CDKL2: variants seen among roughly 807,000 people sequenced by gnomAD.
The protein encoded by CDKL2 is cyclin dependent kinase like 2, also known as cyclin-dependent kinase-like 2.
Under a neutral mutation model 63.9 loss-of-function variants are expected in CDKL2, and 64 were observed. That is an observed-to-expected ratio of 1.00 (90% CI 0.82 to 1.23). The LOEUF (loss-of-function observed/expected upper bound fraction) is 1.23, where lower values mean the gene tolerates loss of function less well. CDKL2 is among the 50% of genes most tolerant of loss of function. CDKL2 has a pLI of 0.00. For synonymous variants in CDKL2, 211 were observed against 229.2 expected (o/e 0.92, Z 0.72); for missense variants, 656 against 668.0 (o/e 0.98, Z 0.20).
intron 2 of CDKL2, among the ~76,000 whole-genome samples, chr4:75,621,102 A>C (rs1363059939): frequency 6.6e-6 from 1 of 151,786 alleles, no homozygotes; most frequent in Non-Finnish European, 1.5e-5. Flanking sequence ...TGCCCAGCTA[A>C]TTTTTGTATT....
At chr4:75,590,585 T>C (rs1278652768) in intron 12 of CDKL2, among the ~76,000 whole-genome samples, 1 of 152,104 alleles carries the variant, frequency 6.6e-6, no homozygotes, top group Non-Finnish European at 1.5e-5. Flanking sequence ...TGTGGTGGCA[T>C]GCACCTGTAA....
At chr4:75,603,623 G>C (rs1394792191) in intron 6 of CDKL2, among the ~76,000 whole-genome samples, 194 bp downstream of exon 6, 1 of 148,512 alleles carries the variant, frequency 6.7e-6, no homozygotes, top group African/African-American at 2.5e-5. Flanking sequence ...CCAGCTACTA[G>C]AGAGGTTGAG....
In CDKL2 at chr4:75,601,385, T is replaced by C. The variant is rs116549161; in HGVS notation, c.796-1016A>G. Among the ~76,000 whole-genome samples the C allele has an allele frequency of 5.1e-3, 782 of 152,194 alleles. 9 individuals carry two copies. The highest frequency in any genetic ancestry group is 0.018 in the African/African-American group (735 of 41,526). ...TTCTGATTCATTAAAACCCCTAACA[T>C]GCCAGTAAAAATAGAAGGGACTCAA... is the stretch of plus-strand genomic sequence containing the variant. On this transcript the variant is annotated intron_variant, in intron 6 of 13. Transcript: ENST00000307465.
chr4:75,617,050 A>T (rs1375128109), intron 2 of CDKL2, among the ~76,000 whole-genome samples: 2 of 152,154 alleles, frequency 1.3e-5, no homozygotes, highest in Non-Finnish European at 2.9e-5. Context: ...ACAAAATCCA[A>T]TTCCATTATT....
chr4:75,619,477 G>C (rs1730064746), intron 2 of CDKL2, among the ~76,000 whole-genome samples: 1 of 147,444 alleles, frequency 6.8e-6, no homozygotes, highest in Non-Finnish European at 1.5e-5. Context: ...GCAGTTGGTA[G>C]AGAAACTCAC....
rs1729907225 is a variant in CDKL2 at position 75,615,938 on chromosome 4, T to C, written c.169-1489A>G. Reference sequence around the variant, plus strand: ...CCCACGAGTTGGAGGCTGCAATGAGTGTGGTGAGCCATGATCATGCCACTG... The same window carrying C: ...CCCACGAGTTGGAGGCTGCAATGAGCGTGGTGAGCCATGATCATGCCACTG... On this transcript the variant is annotated intron_variant, in intron 2 of 13. Transcript: ENST00000307465. Among the ~76,000 whole-genome samples, 2 of 152,210 alleles carry C rather than the reference T, an allele frequency of 1.3e-5. 1 individual carries two copies. Among genetic ancestry groups the C allele is most frequent in the Non-Finnish European group, 2.9e-5 (2 of 68,024 alleles).
At chr4:75,628,117 ATTT>A (rs759097598) in intron 1 of CDKL2, among the ~76,000 whole-genome samples, 1 of 140,816 alleles carries the variant, frequency 7.1e-6, no homozygotes, top group African/African-American at 2.6e-5. Flanking sequence ...TGTGTTTGAA[ATTT>A]TTTTTTTTTT....
chr4:75,599,760 G>A (rs1164519648), intron 7 of CDKL2, among the ~76,000 whole-genome samples: 1 of 152,132 alleles, frequency 6.6e-6, no homozygotes. Flanking sequence ...ACGTGTTACT[G>A]CCACTCATCT....
chr4:75,604,970 G>T (rs1034532258), intron 5 of CDKL2, among the ~76,000 whole-genome samples: 3 of 151,694 alleles, frequency 2.0e-5, no homozygotes, highest in African/African-American at 7.3e-5. Context: ...CTGCACCCCA[G>T]CCTGGTGACA....
Position 75,600,196 on chromosome 4 carries a change from A to C in CDKL2, c.884+85T>G. On this transcript the variant is annotated intron_variant, in intron 7 of 13. Transcript: ENST00000307465. ...ATCCTGCAAAGTAGGTGGGAACAGA[A>C]ATAAGAGAAGTGCTATTTGTGACTA... The C allele has an allele frequency of 3.6e-6, 3 of 844,916 alleles. No individual in the cohort carries two copies. In the South Asian group the frequency reaches 4.8e-5, roughly 13 times the overall value. The allele number at this position is 844,916 out of a possible 1,614,324, so 52.3% of individuals were successfully genotyped here. A position where few individuals can be genotyped will look rare whatever the true frequency, so the allele number is the denominator to read the frequency against.
intron 5 of CDKL2, among the ~76,000 whole-genome samples, chr4:75,604,992 C>T (rs749521142): frequency 6.6e-5 from 10 of 151,630 alleles, no homozygotes; most frequent in African/African-American, 1.2e-4. Flanking sequence ...AACGAGACTC[C>T]GTCTCAAAAA....
At chr4:75,613,795 G>A (rs1441002709) in intron 3 of CDKL2, among the ~76,000 whole-genome samples, 1 of 152,088 alleles carries the variant, frequency 6.6e-6, no homozygotes, top group East Asian at 1.9e-4. Flanking sequence ...GTGGCTCATG[G>A]CTGTAATCCC....
intron 1 of CDKL2, among the ~76,000 whole-genome samples, chr4:75,627,349 G>A (rs977540431): frequency 6.6e-6 from 1 of 151,710 alleles, no homozygotes; most frequent in Non-Finnish European, 1.5e-5. Context: ...TTAGGCTCAC[G>A]GCAACCTCCA....
intron 7 of CDKL2, among the ~76,000 whole-genome samples, chr4:75,598,907 G>T (rs1457419605): frequency 6.6e-6 from 1 of 152,108 alleles, no homozygotes; most frequent in African/African-American, 2.4e-5. Context: ...AAGTGATCTT[G>T]TCACTTCAAG....
At chr4:75,625,407 C>A (rs1730354119) in intron 2 of CDKL2, among the ~76,000 whole-genome samples, 1 of 151,910 alleles carries the variant, frequency 6.6e-6, no homozygotes, top group African/African-American at 2.4e-5. Context: ...TCAAAATTTC[C>A]AGGATACATA....
At chr4:75,596,054 G>A in intron 10 of CDKL2, 193 bp downstream of exon 10, 1 of 370,508 alleles carries the variant, frequency 2.7e-6, no homozygotes, top group Non-Finnish European at 4.8e-6. Context: ...GGAGTTTTTA[G>A]ACTCATAAAA....
Position 75,603,852 on chromosome 4 carries a change from G to C in CDKL2, c.760C>G (p.Pro254Ala). ...KEREPLERRYPKLSEVVIDLA... is the reference protein window; with the variant it reads ...KEREPLERRYAKLSEVVIDLA... ...TCTATCACCACTTCAGAGAGCTTAG[G>C]ATAGCGTCTTTCAAGAGGTTCTCTT... Residue 254 changes from proline to alanine, a missense_variant, in exon 6 of 14, where the codon CCT becomes GCT. By Grantham distance (27) the Pro-to-Ala change is conservative. Transcript: ENST00000307465. 1 of 1,613,054 alleles carries C rather than the reference G, an allele frequency of 6.2e-7. No individual in the cohort carries two copies.
At chr4:75,609,643 T>C (rs1338597471) in intron 3 of CDKL2, among the ~76,000 whole-genome samples, 1 of 147,670 alleles carries the variant, frequency 6.8e-6, no homozygotes, top group Admixed American at 6.8e-5. Context: ...ATATATATCA[T>C]ATATGATATA....
chr4:75,604,166 T>G (rs184530721), intron 5 of CDKL2, among the ~76,000 whole-genome samples: 1 of 152,314 alleles, frequency 6.6e-6, no homozygotes, highest in Admixed American at 6.5e-5. Flanking sequence ...TAAAAAATAT[T>G]TTATAACTTT....
Sources: gnomAD v4.1 joint callset for allele counts (sites outside exome capture counted in the v4.1 genomes callset) on GRCh38, gnomAD v4.1.1 for gene constraint, MANE v1.5 for transcripts, NCBI Gene and HGNC (gene_info 2026-07-23, HGNC 2026-07-21) for gene names.